Variants in SLC24A1 observed in about 807,000 individuals in gnomAD.
SLC24A1 encodes solute carrier family 24 member 1, also known as sodium/potassium/calcium exchanger 1.
SLC24A1 carries 52 observed loss-of-function variants against 88.1 expected under a neutral mutation model. The observed-to-expected ratio is 0.59, with a 90% CI of 0.47 to 0.74. SLC24A1 has a LOEUF of 0.74. Among genes scored for constraint, SLC24A1 ranks in the 30% least tolerant of loss-of-function variants. The pLI, the probability that SLC24A1 is intolerant of heterozygous loss-of-function variation, is 0.00. For missense variants in SLC24A1, 1,173 were observed against 1,363.3 expected (o/e 0.86, Z 2.20); for synonymous variants, 455 against 498.0 (o/e 0.91, Z 1.15).
chr15:65,625,201 C>A lies in SLC24A1; in HGVS notation c.1121C>A (p.Ala374Glu). 1 of 1,613,976 alleles carries A rather than the reference C, an allele frequency of 6.2e-7. No homozygotes were observed. The highest frequency in any genetic ancestry group is 1.3e-5 in the African/African-American group (1 of 75,046). The change falls in exon 2 of 10, where the codon GCA (alanine) becomes GAA (glutamate). Residue 374 changes from alanine (A) to glutamate (E), a missense_variant. Physicochemically the swap from Ala to Glu is moderately radical, Grantham distance 107. Coordinates refer to ENST00000261892, the MANE Select transcript of SLC24A1 (RefSeq NM_004727.3). ...VWRLAKKPST[A>E]PSTSTTPTVR... ...AGGCTGGCAAAGAAACCTTCCACAG[C>A]ACCCAGCACCTCAACAACCCCTACG...
intron 2 of SLC24A1, among the ~76,000 whole-genome samples, chr15:65,613,594 C>G (rs961751219): frequency 6.6e-6 from 1 of 152,092 alleles, no homozygotes; most frequent in Admixed American, 6.6e-5. Context: ...GCAATCCCCC[C>G]CAACCTCAAC....
Position 65,654,778 on chromosome 15 carries a change from A to G in SLC24A1, c.*699A>G. 9.3e-7 allele frequency: 1 copy of G among 1,080,494 alleles called. No individual in the cohort carries two copies. Among genetic ancestry groups the G allele is most frequent in the African/African-American group, 1.7e-5 (1 of 59,092 alleles). 66.9% of individuals were successfully genotyped at this position (1,080,494 alleles called of 1,614,324 possible). A position where few individuals can be genotyped will look rare whatever the true frequency, so the allele number is the denominator to read the frequency against. ...TGGTGTGCAATGGCGTGATCTCGGCACACCACAACCTTCACCTCCCCGGTT... is the reference window on the plus strand; with the variant it reads ...TGGTGTGCAATGGCGTGATCTCGGCGCACCACAACCTTCACCTCCCCGGTT... On this transcript the variant is annotated 3_prime_UTR_variant, in exon 10 of 10. Coordinates refer to ENST00000261892, the MANE Select transcript of SLC24A1 (RefSeq NM_004727.3).
Position 65,655,221 on chromosome 15 carries a change from A to G in SLC24A1, c.*1142A>G. 3 of 986,304 alleles carry G rather than the reference A, an allele frequency of 3.0e-6. No individual in the cohort carries two copies. Among genetic ancestry groups the G allele is most frequent in the Non-Finnish European group, 3.6e-6 (3 of 830,552 alleles). The allele number at this position is 986,304 out of a possible 1,614,324, so 61.1% of individuals were successfully genotyped here. A position where few individuals can be genotyped will look rare whatever the true frequency, so the allele number is the denominator to read the frequency against. On this transcript the variant is annotated 3_prime_UTR_variant, in exon 10 of 10. Coordinates refer to ENST00000261892, the MANE Select transcript of SLC24A1 (RefSeq NM_004727.3). ...AGTGGGAAGGGAAGTCATTCTAAAGAGTCCAAAGTCAGTAGCGCCACATCT... is the reference window on the plus strand; with the variant it reads ...AGTGGGAAGGGAAGTCATTCTAAAGGGTCCAAAGTCAGTAGCGCCACATCT...
intron 4 of SLC24A1, among the ~76,000 whole-genome samples, chr15:65,641,528 AAG>A (rs899411409): frequency 6.6e-5 from 10 of 152,316 alleles, no homozygotes; most frequent in Admixed American, 5.9e-4. Context: ...TTAGGAAAAA[AAG>A]AGAGAGAAAA....
At chr15:65,623,305 G>A (rs920261290) in intron 1 of SLC24A1, among the ~76,000 whole-genome samples, 12 of 152,130 alleles carry the variant, frequency 7.9e-5, no homozygotes, top group African/African-American at 2.9e-4. Context: ...CCAAGGCTCA[G>A]CCTGTCCAGG....
Position 65,624,773 on chromosome 15 carries a change from A to C in SLC24A1, c.693A>C (p.Ile231=). Residue 231 remains isoleucine, a synonymous_variant, in exon 2 of 10, where the codon ATA becomes ATC. Transcript: ENST00000261892. ...KDSDITATYK[I]LETNSLKRIM... is the part of the protein sequence containing the mutation. The stretch of plus-strand genomic sequence containing the variant: ...GTGACATTACAGCAACCTATAAAAT[A>C]CTCGAAACCAACTCTCTTAAGAGAA... The C allele has an allele frequency of 1.2e-6, 2 of 1,613,884 alleles. No homozygotes were observed. The highest frequency in any genetic ancestry group is 8.5e-7 in the Non-Finnish European group (1 of 1,179,832).
chr15:65,614,925 T>A (rs182101051), intron 2 of SLC24A1, among the ~76,000 whole-genome samples: 32 of 152,340 alleles, frequency 2.1e-4, no homozygotes, highest in Non-Finnish European at 4.1e-4. Flanking sequence ...ATACACTCTT[T>A]CCTTTGAAAA....
downstream of SLC24A1, chr15:65,659,523 A>G (rs1187161171): frequency 6.6e-6 from 1 of 151,624 alleles, no homozygotes; most frequent in Non-Finnish European, 1.5e-5. Flanking sequence ...TTTTTTGTAG[A>G]GACAGGGTCT....
intron 2 of SLC24A1, among the ~76,000 whole-genome samples, chr15:65,637,243 GCC>G (rs1031356319): frequency 2.5e-4 from 38 of 151,796 alleles, no homozygotes; most frequent in African/African-American, 9.2e-4. Context: ...CCAGCTGGCT[GCC>G]CCATAGCTTT....
At chr15:65,653,787 T>A (rs759243962) in intron 9 of SLC24A1, 43 bp from the exon 10 acceptor site, 3 of 1,599,000 alleles carry the variant, frequency 1.9e-6, no homozygotes, top group Non-Finnish European at 2.6e-6. Context: ...ATGGGATTAT[T>A]ATAAACATTA....
rs2075668864 is a variant in SLC24A1, at chr15:65,655,937, G to A, written c.*1858G>A. 1 of 985,130 alleles carries A rather than the reference G, an allele frequency of 1.0e-6. No individual in the cohort carries two copies. 61.0% of individuals were successfully genotyped at this position (985,130 alleles called of 1,614,324 possible). On this transcript the variant is annotated 3_prime_UTR_variant, in exon 10 of 10. Coordinates refer to ENST00000261892, the MANE Select transcript of SLC24A1 (RefSeq NM_004727.3). Reference sequence around the variant, plus strand: ...GAATCCTCCCGAGAAGACTGATGAAGAGTATGGAATCATGTTCCAATTCTA... The same window carrying A: ...GAATCCTCCCGAGAAGACTGATGAAAAGTATGGAATCATGTTCCAATTCTA...
chr15:65,657,457 C>T (rs991938374), downstream of SLC24A1, among the ~76,000 whole-genome samples: 29 of 151,830 alleles, frequency 1.9e-4, no homozygotes, highest in East Asian at 2.1e-3. Context: ...CTGGCTAACA[C>T]GGTGAAACCC....
In SLC24A1 at chr15:65,645,654, C is replaced by G; in HGVS notation, c.2183C>G (p.Ala728Gly). Residue 728 changes from alanine (A) to glycine (G), a missense_variant, in exon 6 of 10, where the codon GCC becomes GGC. Physicochemically the swap from Ala to Gly is moderately conservative, Grantham distance 60. Transcript: ENST00000261892. Reference sequence around the variant, plus strand: ...CTCCCTGCGGTCACGGTCACACCAGCCCCTGTTCCAGACATCAAGGGAGAT... The same window carrying G: ...CTCCCTGCGGTCACGGTCACACCAGGCCCTGTTCCAGACATCAAGGGAGAT... ...AKLPAVTVTP[A>G]PVPDIKGDQK... The G allele has an allele frequency of 6.3e-7, 1 of 1,580,804 alleles. No individual in the cohort carries two copies. Among genetic ancestry groups the G allele is most frequent in the African/African-American group, 1.3e-5 (1 of 74,266 alleles).
chr15:65,639,132 C>A (rs752440528), intron 3 of SLC24A1, among the ~76,000 whole-genome samples: 7 of 152,160 alleles, frequency 4.6e-5, no homozygotes, highest in Non-Finnish European at 8.8e-5. Context: ...TTGAGTTTTC[C>A]TTTCCCTTTC....
At chr15:65,630,699 G>A (rs181406667) in intron 2 of SLC24A1, among the ~76,000 whole-genome samples, 409 of 152,312 alleles carry the variant, frequency 2.7e-3, no homozygotes, top group Middle Eastern at 0.02. Context: ...GGCCAGGTGC[G>A]GTGGCTCACG....
At chr15:65,646,420 T>G (rs1596340030) in intron 6 of SLC24A1, among the ~76,000 whole-genome samples, 1 of 152,008 alleles carries the variant, frequency 6.6e-6, no homozygotes, top group Non-Finnish European at 1.5e-5. Flanking sequence ...CACATGGTTT[T>G]CTCTCCCTAG....
At chr15:65,638,105 G>T (rs935707235) in intron 2 of SLC24A1, 23 bp from the exon 3 acceptor site, 1 of 1,589,416 alleles carries the variant, frequency 6.3e-7, no homozygotes, top group Middle Eastern at 1.7e-4. Context: ...ACAACATCTC[G>T]TGACTCCTCT....
chr15:65,626,821 C>T (rs929572099), intron 2 of SLC24A1, among the ~76,000 whole-genome samples: 4 of 152,186 alleles, frequency 2.6e-5, no homozygotes, highest in Non-Finnish European at 4.4e-5. Context: ...ACTGGGACTA[C>T]AGGCACATAC....
At chr15:65,627,565 G>C (rs758614286) in intron 2 of SLC24A1, among the ~76,000 whole-genome samples, 1 of 152,128 alleles carries the variant, frequency 6.6e-6, no homozygotes, top group Admixed American at 6.5e-5. Context: ...AGAAAGAGAG[G>C]CTTAGAGCAT....
Sources: allele counts gnomAD v4.1 joint callset (sites outside exome capture counted in the v4.1 genomes callset), GRCh38; gene constraint gnomAD v4.1.1; transcripts MANE v1.5; gene names NCBI Gene and HGNC (gene_info 2026-07-23, HGNC 2026-07-21).